OSBPL5: variants seen among roughly 807,000 people sequenced by gnomAD.
The protein encoded by OSBPL5 is oxysterol-binding protein-related protein 5.
Under a neutral mutation model 111.2 loss-of-function variants are expected in OSBPL5, and 71 were observed. That is an observed-to-expected ratio of 0.64 (90% CI 0.53 to 0.78). The LOEUF is 0.78. Ranked by LOEUF, OSBPL5 falls within the 30% of genes least tolerant of loss-of-function variation. The pLI is 0.00. For synonymous variants in OSBPL5, 549 were observed against 513.9 expected (o/e 1.07, Z -0.93); for missense variants, 1,210 against 1,189.3 (o/e 1.02, Z -0.26).
intron 2 of OSBPL5, among the ~76,000 whole-genome samples, chr11:3,127,836 C>T (rs1858682732): frequency 6.6e-6 from 1 of 152,176 alleles, no homozygotes; most frequent in Admixed American, 6.5e-5. Flanking sequence ...CTGTCCACAC[C>T]CACCCCACTC....
Position 3,109,754 on chromosome 11 carries a change from G to T in OSBPL5, c.692-1809C>A, listed in dbSNP as rs1397657582. Among the ~76,000 whole-genome samples the T allele has an allele frequency of 6.6e-6, 1 of 152,112 alleles. No individual in the cohort carries two copies. Among genetic ancestry groups the T allele is most frequent in the East Asian group, 1.9e-4 (1 of 5,176 alleles). ...GTGGATGGTGGTGGGGAGCTGGAGG[G>T]GTCACAACTGCCGAGTTGGCCCCAG... On this transcript the variant is annotated intron_variant, in intron 7 of 21. Coordinates refer to ENST00000263650, the MANE Select transcript of OSBPL5 (RefSeq NM_020896.4). This position sits in a 1 kb window ranked among gnomAD's most constrained non-coding sequence, Gnocchi z 7.4.
chr11:3,094,461 T>G, intron 14 of OSBPL5, 127 bp from the exon 15 acceptor site: 1 of 678,866 alleles, frequency 1.5e-6, no homozygotes, highest in Non-Finnish European at 2.5e-6. Context: ...CTGGGAGGCC[T>G]GTGTCAGTCC....
rs753106579 is a variant in OSBPL5 at position 3,100,241 on chromosome 11, G to A, written c.1538C>T (p.Ala513Val). The A allele has an allele frequency of 1.9e-6, 3 of 1,614,030 alleles. No homozygotes were observed. The highest frequency in any genetic ancestry group is 2.2e-5 in the East Asian group (1 of 44,862). ...KSRFYGNSLS[A>V]LLDGKATLTF... is the part of the protein sequence containing the mutation. ...GAGCGTGGCTTTGCCGTCCAGCAGCGCCGACAGCGAGTTCCCTGCAGAGAC... is the reference window on the plus strand; with the variant it reads ...GAGCGTGGCTTTGCCGTCCAGCAGCACCGACAGCGAGTTCCCTGCAGAGAC... Residue 513 changes from alanine to valine, a missense_variant, in exon 14 of 22, where the codon GCG (alanine) becomes GTG (valine). Transcript: ENST00000263650.
chr11:3,131,066 C>T (rs1308421116), intron 1 of OSBPL5, among the ~76,000 whole-genome samples: 2 of 152,088 alleles, frequency 1.3e-5, no homozygotes, highest in Non-Finnish European at 2.9e-5. Flanking sequence ...CACTTGGAAC[C>T]TCCTGGGGCA....
At chr11:3,147,913 C>T (rs1018764072) in intron 1 of OSBPL5, among the ~76,000 whole-genome samples, 1 of 152,192 alleles carries the variant, frequency 6.6e-6, no homozygotes, top group African/African-American at 2.4e-5. Context: ...TGAACGCCCA[C>T]CATGGCCCTG....
chr11:3,160,477 G>A (rs559712312), intron 1 of OSBPL5, among the ~76,000 whole-genome samples: 3 of 152,344 alleles, frequency 2.0e-5, no homozygotes, highest in African/African-American at 7.2e-5. Context: ...AAATGCCGTT[G>A]CCTGGAGCCG....
intron 7 of OSBPL5, among the ~76,000 whole-genome samples, chr11:3,111,717 A>G (rs1867910): frequency 0.1 from 15,253 of 150,850 alleles, 844 homozygotes; most frequent in South Asian, 0.18. Context: ...GGGGAGAAAA[A>G]CGGCCAGCAA....
chr11:3,140,720 G>T lies in OSBPL5; in HGVS notation c.-21-11551C>A, dbSNP rs888168481. Among the ~76,000 whole-genome samples the T allele has an allele frequency of 6.6e-6, 1 of 152,134 alleles. No individual in the cohort carries two copies. Among genetic ancestry groups the T allele is most frequent in the African/African-American group, 2.4e-5 (1 of 41,414 alleles). ...GTTTCCAAGACCAGAGAGGTCATAAGGTCACCTGCTGCCCACACGTCCCAT... is the reference window on the plus strand; with the variant it reads ...GTTTCCAAGACCAGAGAGGTCATAATGTCACCTGCTGCCCACACGTCCCAT... On this transcript the variant is annotated intron_variant, in intron 1 of 21. Transcript: ENST00000263650. The surrounding 1 kb of genome is among the most constrained non-coding windows in gnomAD (Gnocchi z 4.5).
Position 3,090,671 on chromosome 11 carries a change from C to A in OSBPL5, c.2285G>T (p.Arg762Leu). ...HERSGPDQRL[R>L]KASDQPSGHS... The stretch of plus-strand genomic sequence containing the variant: ...GCCGGAGGGCTGGTCGCTGGCCTTG[C>A]GAAGCCGCTGGTCTGGGCCAGACCT... Residue 762 changes from arginine to leucine, a missense_variant, in exon 20 of 22, where the codon CGC becomes CTC. Transcript: ENST00000263650. 2 of 1,611,624 alleles carry A rather than the reference C, an allele frequency of 1.2e-6. No individual in the cohort carries two copies. Among genetic ancestry groups the A allele is most frequent in the South Asian group, 2.2e-5 (2 of 90,924 alleles).
intron 13 of OSBPL5, among the ~76,000 whole-genome samples, chr11:3,100,971 C>CTTTTTTTT (rs1196891233): frequency 1.6e-5 from 2 of 123,436 alleles, no homozygotes; most frequent in Non-Finnish European, 3.4e-5. Flanking sequence ...AGTTTCATTT[C>CTTTTTTTT]TTTTTTTTTT....
Position 3,126,666 on chromosome 11 carries a change from G to C in OSBPL5, c.137-111C>G. On this transcript the variant is annotated intron_variant, in intron 2 of 21. Coordinates refer to ENST00000263650, the MANE Select transcript of OSBPL5 (RefSeq NM_020896.4). The surrounding 1 kb of genome is among the most constrained non-coding windows in gnomAD (Gnocchi z 6.5). ...GCGTGGGTGCGGATGACCTGGGAGG[G>C]GCAGGAAGTCAGCCGGAGGTGGTGG... 1.2e-6 allele frequency: 1 copy of C among 867,838 alleles called. No homozygotes were observed. Among genetic ancestry groups the C allele is most frequent in the Non-Finnish European group, 1.7e-6 (1 of 580,150 alleles). 53.8% of individuals were successfully genotyped at this position (867,838 alleles called of 1,614,324 possible).
intron 11 of OSBPL5, among the ~76,000 whole-genome samples, chr11:3,102,950 G>A (rs1190607488): frequency 2.6e-5 from 4 of 152,182 alleles, no homozygotes; most frequent in Admixed American, 1.3e-4. Flanking sequence ...TCTGTAATAC[G>A]GCCTGAGGCT....
In OSBPL5 at chr11:3,122,783, C is replaced by G. The variant is rs184431272; in HGVS notation, c.220-355G>C. 2.2e-3 allele frequency among the ~76,000 whole-genome samples: 338 copies of G among 152,290 alleles called. 3 individuals are homozygous for G. The highest frequency in any genetic ancestry group is 7.8e-3 in the African/African-American group (326 of 41,554). On this transcript the variant is annotated intron_variant, in intron 3 of 21. Coordinates refer to ENST00000263650, the MANE Select transcript of OSBPL5 (RefSeq NM_020896.4). ...ACGGGTCTGACTGAGCCCTGAGGGA[C>G]AGCCGTCTTTGAGGGGACACCTGGG...
Position 3,126,919 on chromosome 11 carries a change from C to G in OSBPL5, c.137-364G>C, listed in dbSNP as rs1230922051. Among the ~76,000 whole-genome samples the G allele has an allele frequency of 6.6e-6, 1 of 152,194 alleles. No individual in the cohort carries two copies. The highest frequency in any genetic ancestry group is 1.5e-5 in the Non-Finnish European group (1 of 68,036). On this transcript the variant is annotated intron_variant, in intron 2 of 21. Transcript: ENST00000263650. This position sits in a 1 kb window ranked among gnomAD's most constrained non-coding sequence, Gnocchi z 6.5. ...AATGTGACATCCAGTCTCAAAGACA[C>G]ATGGCAGGTTTGGGGCCCCTGGACT...
In OSBPL5 at chr11:3,093,854, A is replaced by G; in HGVS notation, c.1720-19T>C. ...AGAAGGGCTGCGGGGCCACACCCAG[A>G]ACAGAGCCCAGTGAGCGGGGGCTGG... On this transcript the variant is annotated intron_variant, in intron 15 of 21. Coordinates refer to ENST00000263650, the MANE Select transcript of OSBPL5 (RefSeq NM_020896.4). The G allele has an allele frequency of 6.2e-7, 1 of 1,605,620 alleles. No homozygotes were observed. The highest frequency in any genetic ancestry group is 1.1e-5 in the South Asian group (1 of 90,496).
At chr11:3,089,973 AGGAGG>A in intron 20 of OSBPL5, 25 bp from the exon 21 acceptor site, 1 of 1,495,272 alleles carries the variant, frequency 6.7e-7, no homozygotes, top group Non-Finnish European at 9.0e-7. Flanking sequence ...AGTGAGACAA[AGGAGG>A]GGAGGGGAGG....
chr11:3,149,207 C>T (rs1368261187), intron 1 of OSBPL5, among the ~76,000 whole-genome samples: 10 of 152,244 alleles, frequency 6.6e-5, no homozygotes, highest in African/African-American at 1.4e-4. Flanking sequence ...CAGGGCCCCC[C>T]GAGCGTCCAC....
intron 1 of OSBPL5, among the ~76,000 whole-genome samples, chr11:3,149,044 C>A (rs1846471968): frequency 6.6e-6 from 1 of 152,190 alleles, no homozygotes; most frequent in Admixed American, 6.5e-5. Flanking sequence ...CCAGCCCTGA[C>A]CTCCCCACTG....
At position 3,103,885 on chromosome 11, in the gene OSBPL5, C is replaced by CCCTTT. The variant is rs1564830898; in HGVS notation, c.1244+307_1244+308insAAAGG. Among the ~76,000 whole-genome samples the CCCTTT allele has an allele frequency of 5.0e-3, 248 of 49,828 alleles. 12 individuals carry two copies. Among genetic ancestry groups the CCCTTT allele is most frequent in the African/African-American group, 0.021 (218 of 10,212 alleles). The allele number at this position is 49,828 out of a possible 152,430, so 32.7% of individuals were successfully genotyped here. A position where few individuals can be genotyped will look rare whatever the true frequency, so the allele number is the denominator to read the frequency against. On this transcript the variant is annotated intron_variant, in intron 10 of 21. Transcript: ENST00000263650. ...GCAGCCCCCTTCCTGCCTCTGTAGC[C>CCCTTT]CCATTCCTGCCTCTGCAGCCCCCTT...
Sources: allele counts gnomAD v4.1 joint callset (sites outside exome capture counted in the v4.1 genomes callset), GRCh38; gene constraint gnomAD v4.1.1; non-coding constraint Gnocchi (gnomAD v3.1); transcripts MANE v1.5; gene names NCBI Gene and HGNC (gene_info 2026-07-23, HGNC 2026-07-21).